Variants in ERAP1 observed in about 807,000 individuals in gnomAD.
ERAP1 encodes the protein adipocyte-derived leucine aminopeptidase.
In ERAP1, 86 loss-of-function variants were observed where a neutral mutation model predicts 103.7. The ratio of observed to expected loss-of-function variants is 0.83; its 90% CI spans 0.70 to 0.99. The LOEUF (loss-of-function observed/expected upper bound fraction) is 0.99. ERAP1 is among the 50% of genes least tolerant of loss of function. The probability of loss-of-function intolerance (pLI) is 0.00; values close to 1 mark genes in which losing one functional copy is unlikely to be tolerated. For synonymous variants in ERAP1, 398 were observed against 402.4 expected (o/e 0.99, Z 0.13); for missense variants, 1,009 against 1,128.4 (o/e 0.89, Z 1.52).
intron 3 of ERAP1, among the ~76,000 whole-genome samples, chr5:96,799,318 T>C (rs1026162515): frequency 6.6e-6 from 1 of 152,190 alleles, no homozygotes; most frequent in African/African-American, 2.4e-5. Context: ...AAAAGATCTT[T>C]TGAGACCCCA....
chr5:96,836,176 G>GTTTTTTTTTTTTTTTTTTTTTTTTTTT, the ERAP1 span, among the ~76,000 whole-genome samples: 29 of 106,682 alleles, frequency 2.7e-4, no homozygotes, highest in Non-Finnish European at 3.5e-4. Context: ...CACCTCTTTG[G>GTTTTTTTTTTTTTTTTTTTTTTTTTTT]TTTTTTTTTT....
At chr5:96,791,295 G>A (rs1776706382) in intron 8 of ERAP1, among the ~76,000 whole-genome samples, 1 of 152,168 alleles carries the variant, frequency 6.6e-6, no homozygotes, top group Non-Finnish European at 1.5e-5. Flanking sequence ...ATAAATAAGG[G>A]AAGTAGTCCA....
At chr5:96,771,884 TGA>T (rs1772505891), downstream of ERAP1, 2 of 434,470 alleles carry the variant, frequency 4.6e-6, no homozygotes, top group East Asian at 3.5e-5. Context: ...CTAAATGGGA[TGA>T]GTTTGCTATT....
At chr5:96,856,735 T>TA in the ERAP1 span, among the ~76,000 whole-genome samples, 3 of 152,348 alleles carry the variant, frequency 2.0e-5, no homozygotes, top group South Asian at 2.1e-4. Context: ...TCTCCCTACT[T>TA]ACGGCATAGT....
At position 96,800,971 on chromosome 5, in the gene ERAP1, G is replaced by A. The variant is rs538001747; in HGVS notation, c.554C>T (p.Thr185Ile). Residue 185 changes from threonine to isoleucine, a missense_variant, in exon 3 of 19, where the codon ACT (threonine) becomes ATT (isoleucine). Thr to Ile is a moderately conservative substitution (Grantham distance 89, BLOSUM62 -1). Around this residue, in one of 3 missense-constraint regions of ERAP1, gnomAD observed 392 missense variants for 455.2 expected, o/e 0.86. Coordinates refer to ENST00000443439, the MANE Select transcript of ERAP1 (RefSeq NM_001040458.3). ...RILASTQFEP[T>I]AARMAFPCFD... ...GCAGGGAAAGGCCATTCTAGCTGCA[G>A]TGGGTTCAAATTGTGTTGATGCTAG... 1.2e-6 allele frequency: 2 copies of A among 1,614,166 alleles called. No individual in the cohort carries two copies. The highest frequency in any genetic ancestry group is 2.2e-5 in the East Asian group (1 of 44,884).
the ERAP1 span, among the ~76,000 whole-genome samples, chr5:96,893,614 T>C: frequency 6.6e-6 from 1 of 152,236 alleles, no homozygotes; most frequent in African/African-American, 2.4e-5. Context: ...TGAGGCTCCA[T>C]GCTCCCTCTG....
the ERAP1 span, chr5:96,915,833 A>T: frequency 7.4e-7 from 1 of 1,346,418 alleles, no homozygotes; most frequent in South Asian, 1.3e-5. Context: ...TTGAAAGTAA[A>T]CTTAGATATA....
the ERAP1 span, among the ~76,000 whole-genome samples, chr5:96,859,988 T>C: frequency 6.6e-6 from 1 of 152,210 alleles, no homozygotes; most frequent in Non-Finnish European, 1.5e-5. Flanking sequence ...TATCGTTTTG[T>C]GATTTAACAT....
the ERAP1 span, chr5:96,935,671 C>A: frequency 6.3e-6 from 1 of 157,668 alleles, no homozygotes. Context: ...ACTTTACACT[C>A]GTGTGTCTTC....
rs566514039 is a variant in ERAP1 at position 96,785,866 on chromosome 5, CCAGT to C, written c.1861_1864del (p.Thr621AlafsTer3). 3.1e-3 allele frequency: 5,052 copies of C among 1,614,068 alleles called. 8 individuals carry two copies. The highest frequency in any genetic ancestry group is 3.8e-3 in the Non-Finnish European group (4,509 of 1,180,000). On this transcript the variant is annotated frameshift_variant, in exon 13 of 19. Transcript: ENST00000443439. LOFTEE classifies it high-confidence loss of function. ...TGCTGTGTGTGTTCCTTTTAAAAGGCCAGTCAAAGAGTCCCATCCATCATCCTCG... is the reference window on the plus strand; with the variant it reads ...TGCTGTGTGTGTTCCTTTTAAAAGGCCAAAGAGTCCCATCCATCATCCTCG...
At chr5:96,891,517 GCCCATATA>G in the ERAP1 span, among the ~76,000 whole-genome samples, 75,891 of 135,918 alleles carry the variant, frequency 0.56, 20,905 homozygotes, top group Middle Eastern at 0.64. Flanking sequence ...ATATATATAT[GCCCATATA>G]CGGTATATAT....
the ERAP1 span, among the ~76,000 whole-genome samples, chr5:96,920,871 A>G: frequency 6.6e-6 from 1 of 152,250 alleles, no homozygotes; most frequent in African/African-American, 2.4e-5. Flanking sequence ...AGGTCGAAGC[A>G]TATGTGTATT....
In ERAP1 at chr5:96,800,340, C is replaced by T. The variant is rs562773294; in HGVS notation, c.663+522G>A. Among the ~76,000 whole-genome samples, 6 of 152,328 alleles carry T rather than the reference C, an allele frequency of 3.9e-5. No homozygotes were observed. The South Asian group carries it at 1.0e-3, about 26-fold the overall frequency. ...CTGGAAGCTAAGCTATCTATCATGA[C>T]TTACCTTCAGCACCATAATATTTGG... On this transcript the variant is annotated intron_variant, in intron 3 of 18. Coordinates refer to ENST00000443439, the MANE Select transcript of ERAP1 (RefSeq NM_001040458.3).
At chr5:96,914,711 T>A in the ERAP1 span, among the ~76,000 whole-genome samples, 1 of 152,204 alleles carries the variant, frequency 6.6e-6, no homozygotes, top group Non-Finnish European at 1.5e-5. Flanking sequence ...GTTTTCCATA[T>A]ATAAAACATT....
chr5:96,878,737 G>A, the ERAP1 span, among the ~76,000 whole-genome samples: 4 of 152,120 alleles, frequency 2.6e-5, no homozygotes, highest in Admixed American at 2.6e-4. Context: ...AGACTAGCCA[G>A]GCCAACATGG....
At chr5:96,854,073 C>G in the ERAP1 span, among the ~76,000 whole-genome samples, 1 of 152,100 alleles carries the variant, frequency 6.6e-6, no homozygotes, top group East Asian at 1.9e-4. Context: ...TAACCTTGTT[C>G]TAACCATTGC....
chr5:96,857,206 A>G, the ERAP1 span, among the ~76,000 whole-genome samples: 1 of 152,322 alleles, frequency 6.6e-6, no homozygotes, highest in East Asian at 1.9e-4. Context: ...TTCTTCAAAG[A>G]AGCCTTCCCT....
chr5:96,880,035 T>A, the ERAP1 span: 1 of 1,614,114 alleles, frequency 6.2e-7, no homozygotes, highest in East Asian at 2.2e-5. Context: ...GATCTTGAAA[T>A]CACGAATGCC....
intron 10 of ERAP1, among the ~76,000 whole-genome samples, chr5:96,789,402 G>A (rs571254271): frequency 1.3e-5 from 2 of 151,980 alleles, no homozygotes; most frequent in South Asian, 2.1e-4. Flanking sequence ...CAAGAGAATC[G>A]CTGGAACCGG....
Sources: gnomAD v4.1 joint callset for allele counts (sites outside exome capture counted in the v4.1 genomes callset) on GRCh38, gnomAD v4.1.1 for gene constraint, gnomAD v4.1.1 regional missense constraint, MANE v1.5 for transcripts, NCBI Gene and HGNC (gene_info 2026-07-23, HGNC 2026-07-21) for gene names.